Variants in OSMR observed in about 807,000 individuals in gnomAD.
OSMR encodes the protein oncostatin M receptor.
A neutral mutation model predicts 99.9 loss-of-function variants in OSMR; 81 were observed. The ratio of observed to expected loss-of-function variants is 0.81; its 90% CI spans 0.68 to 0.97. The LOEUF is 0.97. OSMR is among the 50% of genes least tolerant of loss of function. OSMR has a pLI of 0.00. For missense variants in OSMR, 1,099 were observed against 1,153.4 expected (o/e 0.95, Z 0.68); for synonymous variants, 406 against 410.4 (o/e 0.99, Z 0.13).
chr5:38,886,207 C>A lies in OSMR; in HGVS notation c.991+17C>A. On this transcript the variant is annotated intron_variant, in intron 7 of 17. Coordinates refer to ENST00000274276, the MANE Select transcript of OSMR (RefSeq NM_003999.3). ...CTCATCGAGGTGAGACTAGAGTTGT[C>A]ACAGCCCACCGTGGCCACTAACGTG... 1.2e-6 allele frequency: 2 copies of A among 1,614,070 alleles called. No individual in the cohort carries two copies. The highest frequency in any genetic ancestry group is 2.2e-5 in the South Asian group (2 of 91,060).
chr5:38,895,880 T>G (rs1744474096), intron 7 of OSMR, among the ~76,000 whole-genome samples: 1 of 152,098 alleles, frequency 6.6e-6, no homozygotes. Flanking sequence ...GATATCCAGT[T>G]TTCCCAGCAC....
Position 38,924,455 on chromosome 5 carries a change from C to T in OSMR, c.1904C>T (p.Thr635Ile), listed in dbSNP as rs904252293. The change falls in exon 14 of 18, where the codon ACA becomes ATA. Residue 635 changes from threonine to isoleucine, a missense_variant. Physicochemically the swap from Thr to Ile is moderately conservative, Grantham distance 89 (BLOSUM62 -1). Coordinates refer to ENST00000274276, the MANE Select transcript of OSMR (RefSeq NM_003999.3). The stretch of plus-strand genomic sequence containing the variant: ...GACAACCCTCACGTGCTGGTGGATA[C>T]ATTGACATCCCACTCCTTCACTCTG... Reference protein sequence around the residue: ...PSDNPHVLVDTLTSHSFTLSW... With the variant: ...PSDNPHVLVDILTSHSFTLSW... 1.2e-6 allele frequency: 2 copies of T among 1,613,902 alleles called. No individual in the cohort carries two copies. Among genetic ancestry groups the T allele is most frequent in the Admixed American group, 1.7e-5 (1 of 60,002 alleles).
At chr5:38,893,292 G>A (rs1287576052) in intron 7 of OSMR, among the ~76,000 whole-genome samples, 5 of 152,152 alleles carry the variant, frequency 3.3e-5, no homozygotes, top group African/African-American at 7.2e-5. Flanking sequence ...CATGAAAATC[G>A]AAATGTTGTG....
intron 7 of OSMR, among the ~76,000 whole-genome samples, chr5:38,892,740 T>C (rs1744240319): frequency 6.6e-6 from 1 of 152,000 alleles, no homozygotes; most frequent in African/African-American, 2.4e-5. Context: ...TTCAACCACA[T>C]TGTGGACTGC....
intron 7 of OSMR, among the ~76,000 whole-genome samples, chr5:38,902,683 C>A (rs142786803): frequency 6.6e-6 from 1 of 152,308 alleles, no homozygotes; most frequent in South Asian, 2.1e-4. Context: ...AACAGACCAA[C>A]CAGGTTGCTT....
chr5:38,860,068 C>G (rs2112120298), intron 1 of OSMR, among the ~76,000 whole-genome samples: 1 of 152,220 alleles, frequency 6.6e-6, no homozygotes, highest in Middle Eastern at 3.4e-3. Context: ...TTATTTTTCT[C>G]TTGCCTGATT....
chr5:38,876,063 A>G, intron 2 of OSMR, 138 bp from the exon 3 acceptor site: 1 of 1,237,318 alleles, frequency 8.1e-7, no homozygotes, highest in Middle Eastern at 2.2e-4. Context: ...CAGATTTCCA[A>G]GGTGTCTGAT....
In OSMR at chr5:38,933,341, A is replaced by C. The variant is rs1300724761; in HGVS notation, c.2837A>C (p.Lys946Thr). 6.2e-7 allele frequency: 1 copy of C among 1,614,138 alleles called. No individual in the cohort carries two copies. Among genetic ancestry groups the C allele is most frequent in the Non-Finnish European group, 8.5e-7 (1 of 1,180,000 alleles). ...PVEAPHCSEY[K>T]MQMAVSLRLA... ...GAGGCACCACACTGTTCAGAGTATAAAATGCAAATGGCAGTCTCCCTGCGT... is the reference window on the plus strand; with the variant it reads ...GAGGCACCACACTGTTCAGAGTATACAATGCAAATGGCAGTCTCCCTGCGT... Residue 946 changes from lysine (K) to threonine (T), a missense_variant, in exon 18 of 18, where the codon AAA (lysine) becomes ACA (threonine). Lys to Thr is a moderately conservative substitution (Grantham distance 78, BLOSUM62 -1). Transcript: ENST00000274276.
At chr5:38,907,568 T>C (rs1452556764) in intron 9 of OSMR, among the ~76,000 whole-genome samples, 1 of 152,154 alleles carries the variant, frequency 6.6e-6, no homozygotes, top group Admixed American at 6.5e-5. Context: ...ATCTGAGTGA[T>C]CCCCTGTCTG....
intron 9 of OSMR, among the ~76,000 whole-genome samples, chr5:38,906,762 T>C (rs962269154): frequency 2.0e-5 from 3 of 152,230 alleles, no homozygotes; most frequent in East Asian, 1.9e-4. Flanking sequence ...AAAAAGATTA[T>C]ATTTTTATAA....
intron 1 of OSMR, chr5:38,941,663 A>G: frequency 4.3e-6 from 1 of 232,486 alleles, no homozygotes; most frequent in African/African-American, 2.2e-5. Context: ...GTTGGAAAAC[A>G]AGAATCTTTA....
Position 38,917,565 on chromosome 5 carries a change from T to C in OSMR, c.1305T>C (p.Asp435=). The C allele has an allele frequency of 6.2e-7, 1 of 1,613,652 alleles. No homozygotes were observed. Among genetic ancestry groups the C allele is most frequent in the Non-Finnish European group, 8.5e-7 (1 of 1,179,574 alleles). The change falls in exon 10 of 18, where the codon GAT becomes GAC. Residue 435 remains aspartate (D), a synonymous_variant. Transcript: ENST00000274276. ...TTTCAGCTCCCTCAGAGGCCCCTGA[T>C]GTCTGGAGAATTGTGAGCTTGGAGC... is the stretch of plus-strand genomic sequence containing the variant. ...TLEAAPSEAP[D]VWRIVSLEPG...
chr5:38,869,189 A>G (rs1484177698), intron 2 of OSMR, 72 bp downstream of exon 2: 5 of 1,094,598 alleles, frequency 4.6e-6, no homozygotes, highest in African/African-American at 1.5e-5. Context: ...GCTTTGGGAA[A>G]AAGTTAAACA....
chr5:38,928,070 G>A (rs1209798552), intron 15 of OSMR, among the ~76,000 whole-genome samples: 3 of 152,142 alleles, frequency 2.0e-5, no homozygotes, highest in African/African-American at 7.2e-5. Flanking sequence ...ACCTCAGCCT[G>A]GACTTCATTG....
Position 38,933,385 on chromosome 5 carries a change from A to G in OSMR, c.2881A>G (p.Thr961Ala). 6.2e-7 allele frequency: 1 copy of G among 1,614,046 alleles called. No homozygotes were observed. The highest frequency in any genetic ancestry group is 8.5e-7 in the Non-Finnish European group (1 of 1,179,976). ...CCTGCGTCTTGCCTTGCCTCCCCCG[A>G]CCGAGAATAGCAGCCTCTCCTCAAT... ...VSLRLALPPPTENSSLSSITL... is the reference protein window; with the variant it reads ...VSLRLALPPPAENSSLSSITL... The change falls in exon 18 of 18, where the codon ACC (threonine) becomes GCC (alanine). Residue 961 changes from threonine (T) to alanine (A), a missense_variant. Coordinates refer to ENST00000274276, the MANE Select transcript of OSMR (RefSeq NM_003999.3).
At chr5:38,909,614 T>C (rs1169795221) in intron 9 of OSMR, among the ~76,000 whole-genome samples, 1 of 152,232 alleles carries the variant, frequency 6.6e-6, no homozygotes, top group Admixed American at 6.5e-5. Flanking sequence ...AAGAATTTCA[T>C]ATCTAGCCAA....
At chr5:38,863,310 G>C (rs375349936) in intron 1 of OSMR, among the ~76,000 whole-genome samples, 2 of 151,796 alleles carry the variant, frequency 1.3e-5, no homozygotes, top group Admixed American at 1.3e-4. Flanking sequence ...GGAGGCTGAG[G>C]CGGGCAGTTC....
chr5:38,902,421 A>G (rs1201827111), intron 7 of OSMR, among the ~76,000 whole-genome samples: 1 of 152,240 alleles, frequency 6.6e-6, no homozygotes, highest in Non-Finnish European at 1.5e-5. Context: ...CCACAACCAG[A>G]TAAGCATCTT....
chr5:38,881,856 C>A, intron 4 of OSMR, 92 bp downstream of exon 4: 1 of 1,129,448 alleles, frequency 8.9e-7, no homozygotes, highest in Non-Finnish European at 1.3e-6. Context: ...CTTTGAGGAA[C>A]CCTGGGTAGA....
Sources: allele counts gnomAD v4.1 joint callset (sites outside exome capture counted in the v4.1 genomes callset), GRCh38; gene constraint gnomAD v4.1.1; transcripts MANE v1.5; gene names NCBI Gene and HGNC (gene_info 2026-07-23, HGNC 2026-07-21).